The following WWC2 variants were observed in gnomAD, a reference collection of about 807,000 sequenced individuals.
WWC2 encodes the protein protein WWC2.
In WWC2, 101 loss-of-function variants were observed where a neutral mutation model predicts 138.5. That is an observed-to-expected ratio of 0.73 (90% CI 0.62 to 0.86). The LOEUF is 0.86. Ranked by LOEUF, WWC2 falls within the 40% of genes least tolerant of loss-of-function variation. The probability of loss-of-function intolerance (pLI) is 0.00; values close to 1 mark genes in which losing one functional copy is unlikely to be tolerated. For missense variants in WWC2, 1,420 were observed against 1,419.4 expected (o/e 1.00, Z -0.01); for synonymous variants, 558 against 538.4 (o/e 1.04, Z -0.50).
rs1379123007 is a variant in WWC2, at chr4:183,316,435, A to G, written c.*706A>G. The G allele has an allele frequency of 2.0e-5, 3 of 152,242 alleles. No homozygotes were observed. Among genetic ancestry groups the G allele is most frequent in the African/African-American group, 7.2e-5 (3 of 41,446 alleles). The allele number at this position is 152,242 out of a possible 1,614,324, so 9.4% of individuals were successfully genotyped here. A position where few individuals can be genotyped will look rare whatever the true frequency, so the allele number is the denominator to read the frequency against. On this transcript the variant is annotated 3_prime_UTR_variant, in exon 23 of 23. Coordinates refer to ENST00000403733, the MANE Select transcript of WWC2 (RefSeq NM_024949.6). Reference sequence around the variant, plus strand: ...CACGAAAGATCTTGGGATTCATGACACTGAGGGCAGGGAGAAGAAAGAACA... The same window carrying G: ...CACGAAAGATCTTGGGATTCATGACGCTGAGGGCAGGGAGAAGAAAGAACA...
intron 4 of WWC2, among the ~76,000 whole-genome samples, chr4:183,217,043 G>C (rs890794721): frequency 2.6e-5 from 4 of 152,314 alleles, no homozygotes; most frequent in Non-Finnish European, 5.9e-5. Context: ...GACCAAATTA[G>C]TCTGAGGCTA....
At chr4:183,195,494 A>C (rs2111214919) in intron 2 of WWC2, among the ~76,000 whole-genome samples, 1 of 152,076 alleles carries the variant, frequency 6.6e-6, no homozygotes, top group South Asian at 2.1e-4. Context: ...CCCTACAGAT[A>C]CCTCTTAATA....
intron 1 of WWC2, among the ~76,000 whole-genome samples, chr4:183,168,132 G>T (rs1734175267): frequency 6.6e-6 from 1 of 151,142 alleles, no homozygotes. Context: ...GGGATTACAG[G>T]CATGAGCCAC....
intron 21 of WWC2, among the ~76,000 whole-genome samples, chr4:183,305,273 C>A (rs1304211312): frequency 1.3e-5 from 2 of 151,742 alleles, no homozygotes; most frequent in East Asian, 3.9e-4. Context: ...TGTGGGACAA[C>A]TACAGAAGAT....
intron 14 of WWC2, 106 bp downstream of exon 14, chr4:183,266,057 C>T: frequency 1.9e-6 from 2 of 1,029,658 alleles, no homozygotes; most frequent in Non-Finnish European, 2.9e-6. Context: ...ACGGAAAAGA[C>T]ATAGCAGGGC....
At chr4:183,210,730 A>G (rs539407032) in intron 4 of WWC2, among the ~76,000 whole-genome samples, 14 of 152,324 alleles carry the variant, frequency 9.2e-5, no homozygotes, top group South Asian at 8.3e-4. Context: ...GGGATAGCCT[A>G]TTGCTTCCAG....
At chr4:183,294,473 T>G (rs1738565555) in intron 21 of WWC2, among the ~76,000 whole-genome samples, 1 of 152,178 alleles carries the variant, frequency 6.6e-6, no homozygotes, top group South Asian at 2.1e-4. Context: ...AGAAACAGTG[T>G]TGCTGTGTGA....
intron 4 of WWC2, among the ~76,000 whole-genome samples, chr4:183,225,515 A>G (rs1285414988): frequency 6.6e-6 from 1 of 152,234 alleles, no homozygotes; most frequent in East Asian, 1.9e-4. Flanking sequence ...TTTAAACATG[A>G]AAAGTCCAAT....
intron 1 of WWC2, among the ~76,000 whole-genome samples, chr4:183,110,605 A>G (rs1732201892): frequency 6.6e-6 from 1 of 152,174 alleles, no homozygotes; most frequent in Non-Finnish European, 1.5e-5. Flanking sequence ...ATGAGGAATT[A>G]CAATAGTTCC....
At chr4:183,269,223 T>A in intron 15 of WWC2, 60 bp downstream of exon 15, 1 of 1,520,270 alleles carries the variant, frequency 6.6e-7, no homozygotes, top group Non-Finnish European at 8.9e-7. Context: ...TCTGAGGATA[T>A]ACTTTGTAGT....
chr4:183,149,572 A>G (rs573446256), intron 1 of WWC2, among the ~76,000 whole-genome samples: 3 of 151,854 alleles, frequency 2.0e-5, no homozygotes, highest in Non-Finnish European at 4.4e-5. Flanking sequence ...CGGTGAGCCA[A>G]GATCGCGCCA....
chr4:183,266,722 AGT>A (rs1272190250), intron 14 of WWC2, among the ~76,000 whole-genome samples: 1 of 152,226 alleles, frequency 6.6e-6, no homozygotes, highest in East Asian at 1.9e-4. Flanking sequence ...TCCTGTAAGA[AGT>A]GGATCTTAAT....
At chr4:183,158,969 A>C (rs1733881314) in intron 1 of WWC2, among the ~76,000 whole-genome samples, 1 of 152,150 alleles carries the variant, frequency 6.6e-6, no homozygotes, top group Non-Finnish European at 1.5e-5. Flanking sequence ...TGGCTGGCAG[A>C]TGCTCCAGGT....
intron 1 of WWC2, among the ~76,000 whole-genome samples, chr4:183,127,238 A>G (rs1732788332): frequency 6.6e-6 from 1 of 152,228 alleles, no homozygotes; most frequent in African/African-American, 2.4e-5. Flanking sequence ...ATAGATGAAT[A>G]ATCTTCAAAT....
At chr4:183,269,498 T>C in intron 15 of WWC2, 3 of 503,926 alleles carry the variant, frequency 6.0e-6, no homozygotes, top group Non-Finnish European at 1.2e-5. Flanking sequence ...TTTGCGTGAC[T>C]GCTGTGTATA....
At chr4:183,223,771 C>A (rs114164044) in intron 4 of WWC2, among the ~76,000 whole-genome samples, 3 of 152,054 alleles carry the variant, frequency 2.0e-5, no homozygotes, top group Non-Finnish European at 2.9e-5. Context: ...AGAAGTCTTA[C>A]CCAGGCTGAA....
chr4:183,189,931 A>T (rs899229755), intron 1 of WWC2, among the ~76,000 whole-genome samples: 1 of 152,196 alleles, frequency 6.6e-6, no homozygotes, highest in African/African-American at 2.4e-5. Context: ...CATGTATTTG[A>T]GTTGACAATA....
At chr4:183,263,610 A>T (rs2111363551) in intron 11 of WWC2, among the ~76,000 whole-genome samples, 1 of 152,352 alleles carries the variant, frequency 6.6e-6, no homozygotes, top group East Asian at 1.9e-4. Flanking sequence ...GCGTATATTT[A>T]ACCATAAAGG....
intron 1 of WWC2, among the ~76,000 whole-genome samples, chr4:183,107,389 C>T (rs1257715414): frequency 6.6e-6 from 1 of 152,188 alleles, no homozygotes; most frequent in Non-Finnish European, 1.5e-5. Context: ...CTCAAGTGAT[C>T]TGCCTACCTT....
Sources: gnomAD v4.1 joint callset for allele counts (sites outside exome capture counted in the v4.1 genomes callset) on GRCh38, gnomAD v4.1.1 for gene constraint, MANE v1.5 for transcripts, NCBI Gene and HGNC (gene_info 2026-07-23, HGNC 2026-07-21) for gene names.